The following IQSEC2 variants were observed in gnomAD, a reference collection of about 807,000 sequenced individuals.
IQSEC2 encodes the protein IQ motif and SEC7 domain-containing protein 2.
A neutral mutation model predicts 74.6 loss-of-function variants in IQSEC2; 6 were observed. The observed-to-expected ratio is 0.08, with a 90% CI of 0.04 to 0.16. The LOEUF (loss-of-function observed/expected upper bound fraction) is 0.16, where lower values mean the gene tolerates loss of function less well. Ranked by LOEUF, IQSEC2 falls within the 10% of genes least tolerant of loss-of-function variation. The pLI, the probability that IQSEC2 is intolerant of heterozygous loss-of-function variation, is 1.00. For missense variants in IQSEC2, 734 were observed against 1,306.2 expected (o/e 0.56, Z 6.75); for synonymous variants, 494 against 544.5 (o/e 0.91, Z 1.29).
Position 53,234,920 on chromosome X carries a change from C to T in IQSEC2, c.3766G>A (p.Val1256Met), listed in dbSNP as rs1556859193. 15 of 1,166,874 alleles carry T rather than the reference C, an allele frequency of 1.3e-5. No individual in the cohort carries two copies. Among genetic ancestry groups the T allele is most frequent in the Admixed American group, 2.6e-5 (1 of 38,763 alleles). The change falls in exon 15 of 15, where the codon GTG (valine) becomes ATG (methionine). Residue 1256 changes from valine to methionine, a missense_variant. Coordinates refer to ENST00000642864, the MANE Select transcript of IQSEC2 (RefSeq NM_001111125.3). ...AGCTTGGACTGCCCATCAGGCAGCA[C>T]CCCCAGGCCACCGTGGCTATGGCCA... ...HHGHSHGGLG[V>M]LPDGQSKLQA...
chrX:53,313,700 G>A (rs781895912), intron 1 of IQSEC2, among the ~76,000 whole-genome samples: 5 of 112,004 alleles, frequency 4.5e-5, no homozygotes, highest in Non-Finnish European at 7.5e-5. Context: ...CTCAAGAAAG[G>A]TTTGATGGAT....
At chrX:53,316,223 C>T (rs1044614612) in intron 1 of IQSEC2, among the ~76,000 whole-genome samples, 3 of 112,043 alleles carry the variant, frequency 2.7e-5, no homozygotes, top group Middle Eastern at 4.7e-3. Flanking sequence ...ATAACAACCC[C>T]ATTCTTGCCC....
At chrX:53,309,423 C>T (rs2075299770) in intron 1 of IQSEC2, among the ~76,000 whole-genome samples, 1 of 112,264 alleles carries the variant, frequency 8.9e-6, no homozygotes, top group Non-Finnish European at 1.9e-5. Flanking sequence ...AAAACAAGCC[C>T]TTCTCTTTCT....
At position 53,233,707 on chromosome X, in the gene IQSEC2, C is replaced by T; in HGVS notation, c.*512G>A. ...CAAAAAGACACATGGAAGTGTGTGGCCAGGCCCTGAGGTCAGAGAGAGGGC... is the reference window on the plus strand; with the variant it reads ...CAAAAAGACACATGGAAGTGTGTGGTCAGGCCCTGAGGTCAGAGAGAGGGC... On this transcript the variant is annotated 3_prime_UTR_variant, in exon 15 of 15. Transcript: ENST00000642864. The T allele has an allele frequency of 3.4e-6, 1 of 291,967 alleles. No individual in the cohort carries two copies. The highest frequency in any genetic ancestry group is 4.8e-5 in the East Asian group (1 of 20,634). The allele number at this position is 291,967 out of a possible 1,213,427, so 24.1% of individuals were successfully genotyped here.
At chrX:53,272,127 A>C (rs1431881069) in intron 2 of IQSEC2, among the ~76,000 whole-genome samples, 5 of 110,292 alleles carry the variant, frequency 4.5e-5, no homozygotes, top group African/African-American at 1.7e-4. Flanking sequence ...TTAACCTTTA[A>C]GACCCAGCTC....
chrX:53,234,902 A>G lies in IQSEC2; in HGVS notation c.3784T>C (p.Ser1262Pro), dbSNP rs2074102555. Residue 1262 changes from serine to proline, a missense_variant, in exon 15 of 15, where the codon TCC becomes CCC. Physicochemically the swap from Ser to Pro is moderately conservative, Grantham distance 74. Coordinates refer to ENST00000642864, the MANE Select transcript of IQSEC2 (RefSeq NM_001111125.3). ...GGLGVLPDGQSKLQALHAQYC... is the reference protein window; with the variant it reads ...GGLGVLPDGQPKLQALHAQYC... ...TGGGCATGCAGGGCCTGGAGCTTGG[A>G]CTGCCCATCAGGCAGCACCCCCAGG... 8.6e-7 allele frequency: 1 copy of G among 1,163,804 alleles called. No individual in the cohort carries two copies. The highest frequency in any genetic ancestry group is 1.8e-5 in the African/African-American group (1 of 55,318).
chrX:53,245,440 A>AT (rs1278128473), intron 8 of IQSEC2, among the ~76,000 whole-genome samples: 5 of 108,762 alleles, frequency 4.6e-5, no homozygotes, highest in African/African-American at 1.0e-4. Flanking sequence ...AAAATAAAAA[A>AT]AAAAAAAACA....
At chrX:53,235,874 C>A (rs938196033) in intron 13 of IQSEC2, 42 bp from the exon 14 acceptor site, 19 of 1,129,743 alleles carry the variant, frequency 1.7e-5, no homozygotes, top group South Asian at 4.0e-5. Context: ...AGCAGCAACC[C>A]CCCCCCTACC....
At chrX:53,313,945 C>T (rs1362949535) in intron 1 of IQSEC2, among the ~76,000 whole-genome samples, 3 of 112,259 alleles carry the variant, frequency 2.7e-5, no homozygotes, top group African/African-American at 9.7e-5. Context: ...CAGCAAAGGC[C>T]AAAATGGCTC....
intron 1 of IQSEC2, among the ~76,000 whole-genome samples, chrX:53,307,295 C>CTTTTTTTTTTTTTTTTTTTTTTTCT (rs60909741): frequency 1.8e-5 from 1 of 55,939 alleles, no homozygotes; most frequent in African/African-American, 5.3e-5. Flanking sequence ...TTCTTTCTTT[C>CTTTTTTTTTTTTTTTTTTTTTTTCT]TTTTTTTTTT....
In IQSEC2 at chrX:53,283,255, G is replaced by T. The variant is rs949313049; in HGVS notation, c.737+8640C>A. Among the ~76,000 whole-genome samples the T allele has an allele frequency of 2.7e-5, 3 of 112,160 alleles. No individual in the cohort carries two copies. In the Admixed American group the frequency reaches 2.8e-4, roughly 11 times the overall value. The stretch of plus-strand genomic sequence containing the variant: ...AAAGAAAGTGTAGTGGTAGCTTTAA[G>T]GGATGATGCTGTGTGACTTTGGGTA... On this transcript the variant is annotated intron_variant, in intron 2 of 14. Coordinates refer to ENST00000642864, the MANE Select transcript of IQSEC2 (RefSeq NM_001111125.3).
intron 2 of IQSEC2, among the ~76,000 whole-genome samples, chrX:53,274,452 C>CTTTTTTTTTTTTTTTT (rs66510453): frequency 6.4e-5 from 3 of 47,113 alleles, no homozygotes; most frequent in Admixed American, 4.0e-4. Flanking sequence ...AGTTACATTT[C>CTTTTTTTTTTTTTTTT]TTTTTTTTTT....
chrX:53,287,067 CA>C (rs1556871959), intron 2 of IQSEC2, among the ~76,000 whole-genome samples: 1 of 111,055 alleles, frequency 9.0e-6, no homozygotes, highest in African/African-American at 3.3e-5. Flanking sequence ...AGCGAGACAG[CA>C]ACCTTGGTCC....
rs910466943 is a variant in IQSEC2 at position 53,248,022 on chromosome X, A to C, written c.2582+92T>G. On this transcript the variant is annotated intron_variant, in intron 7 of 14. Coordinates refer to ENST00000642864, the MANE Select transcript of IQSEC2 (RefSeq NM_001111125.3). ...ATCATCTCTGTTTTATGGTGAAGAA[A>C]GTATGAGGCTCAGAGAAGTGACTTA... 2.3e-5 allele frequency: 24 copies of C among 1,035,054 alleles called. 1 individual carries two copies. Among genetic ancestry groups the C allele is most frequent in the Non-Finnish European group, 2.4e-5 (18 of 742,971 alleles). The allele number at this position is 1,035,054 out of a possible 1,213,427, so 85.3% of individuals were successfully genotyped here.
At position 53,242,244 on chromosome X, in the gene IQSEC2, G is replaced by C. The variant is rs1471395504; in HGVS notation, c.2890-335C>G. Among the ~76,000 whole-genome samples, 4 of 109,112 alleles carry C rather than the reference G, an allele frequency of 3.7e-5. No homozygotes were observed. In the Admixed American group the frequency reaches 3.9e-4, roughly 11 times the overall value. 94.8% of individuals were successfully genotyped at this position (109,112 alleles called of 115,157 possible). On this transcript the variant is annotated intron_variant, in intron 9 of 14. Coordinates refer to ENST00000642864, the MANE Select transcript of IQSEC2 (RefSeq NM_001111125.3). ...AGGTCAGGAGTTCGAGATCAGCCTG[G>C]CCAACATGGTGAAACCCCGTCTCTA...
chrX:53,316,425 C>A (rs1556879090), intron 1 of IQSEC2, among the ~76,000 whole-genome samples: 1 of 111,468 alleles, frequency 9.0e-6, no homozygotes, highest in Admixed American at 9.5e-5. Flanking sequence ...TCTCCCTGGG[C>A]TCACTGTCTC....
chrX:53,236,326 A>T lies in IQSEC2; in HGVS notation c.3447T>A (p.Asp1149Glu). The change falls in exon 13 of 15, where the codon GAT (aspartate) becomes GAA (glutamate). Residue 1149 changes from aspartate to glutamate, a missense_variant. Transcript: ENST00000642864. ...ALSSSLRDLSDAGKRGRRNSV... is the reference protein window; with the variant it reads ...ALSSSLRDLSEAGKRGRRNSV... ...GCAGGGGCCCAGAGGGCTTACCTGC[A>T]TCAGAGAGGTCTCGCAGGGAACTGC... 1 of 1,208,271 alleles carries T rather than the reference A, an allele frequency of 8.3e-7. No homozygotes were observed. Among genetic ancestry groups the T allele is most frequent in the Non-Finnish European group, 1.1e-6 (1 of 893,625 alleles).
At chrX:53,290,788 A>C (rs1344002197) in intron 2 of IQSEC2, among the ~76,000 whole-genome samples, 1 of 111,583 alleles carries the variant, frequency 9.0e-6, no homozygotes, top group Non-Finnish European at 1.9e-5. Flanking sequence ...GTATGCTGGC[A>C]TCCTCTGTCC....
chrX:53,291,753 T>A, intron 2 of IQSEC2, 142 bp downstream of exon 2: 3 of 437,494 alleles, frequency 6.9e-6, no homozygotes, highest in Non-Finnish European at 1.2e-5. Context: ...CCCCACTCCA[T>A]AGCCACCCCT....
Sources: allele counts gnomAD v4.1 joint callset (sites outside exome capture counted in the v4.1 genomes callset), GRCh38; gene constraint gnomAD v4.1.1; transcripts MANE v1.5; gene names NCBI Gene and HGNC (gene_info 2026-07-23, HGNC 2026-07-21).